Variants in ZBTB7C observed in about 807,000 individuals in gnomAD.
ZBTB7C encodes the protein zinc finger and BTB domain containing 7C.
A neutral mutation model predicts 25.7 loss-of-function variants in ZBTB7C; 8 were observed. The ratio of observed to expected loss-of-function variants is 0.31; its 90% CI spans 0.18 to 0.56. The LOEUF (loss-of-function observed/expected upper bound fraction) is 0.56, where lower values mean the gene tolerates loss of function less well. Ranked by LOEUF, ZBTB7C falls within the 20% of genes least tolerant of loss-of-function variation. ZBTB7C has a pLI of 0.91. For missense variants in ZBTB7C, 824 were observed against 855.2 expected (o/e 0.96, Z 0.46); for synonymous variants, 394 against 369.0 (o/e 1.07, Z -0.78).
chr18:48,255,682 G>A (rs1464277815), intron 2 of ZBTB7C, among the ~76,000 whole-genome samples: 2 of 152,090 alleles, frequency 1.3e-5, no homozygotes, highest in Admixed American at 6.6e-5. Context: ...TCTTTCCTGG[G>A]CCCTTCTGTC....
chr18:48,224,683 TG>T (rs1293035631), intron 2 of ZBTB7C, among the ~76,000 whole-genome samples: 1 of 152,202 alleles, frequency 6.6e-6, no homozygotes, highest in Non-Finnish European at 1.5e-5. Flanking sequence ...TTACTAGCCA[TG>T]GGCAAGCCAA....
chr18:48,108,316 C>T (rs918173747), intron 3 of ZBTB7C, among the ~76,000 whole-genome samples: 10 of 152,114 alleles, frequency 6.6e-5, no homozygotes, highest in Non-Finnish European at 1.3e-4. Context: ...GTTAAATGAA[C>T]GTGTGGCGAG....
At chr18:48,154,151 T>C (rs2040763446) in intron 3 of ZBTB7C, among the ~76,000 whole-genome samples, 1 of 152,202 alleles carries the variant, frequency 6.6e-6, no homozygotes, top group Non-Finnish European at 1.5e-5. Context: ...AATTCTGGGC[T>C]TGCGACCCTG....
At chr18:48,083,694 C>G (rs2038079097) in intron 3 of ZBTB7C, among the ~76,000 whole-genome samples, 1 of 152,056 alleles carries the variant, frequency 6.6e-6, no homozygotes, top group Non-Finnish European at 1.5e-5. Context: ...CTTTACTGCT[C>G]CATACAGCAG....
intron 3 of ZBTB7C, among the ~76,000 whole-genome samples, chr18:48,065,508 G>T (rs2037296099): frequency 1.3e-5 from 2 of 152,188 alleles, no homozygotes; most frequent in Admixed American, 6.5e-5. Flanking sequence ...GGTAACACTG[G>T]GGGTAGAGCC....
At chr18:48,358,600 A>G (rs1004740787) in intron 1 of ZBTB7C, among the ~76,000 whole-genome samples, 2 of 152,194 alleles carry the variant, frequency 1.3e-5, no homozygotes, top group Non-Finnish European at 2.9e-5. Flanking sequence ...GGCCTAACAC[A>G]GCAGCACAAC....
At chr18:48,342,592 G>A (rs547939013) in intron 1 of ZBTB7C, among the ~76,000 whole-genome samples, 2 of 152,334 alleles carry the variant, frequency 1.3e-5, no homozygotes, top group South Asian at 2.1e-4. Flanking sequence ...CAGGAGGGAC[G>A]GGAAAGCCAC....
chr18:48,209,226 G>A (rs567079694), intron 2 of ZBTB7C, among the ~76,000 whole-genome samples: 92 of 152,312 alleles, frequency 6.0e-4, no homozygotes, highest in Middle Eastern at 3.4e-3. Context: ...GGCTCCAAAC[G>A]GAAATGTGCA....
chr18:48,395,737 G>A (rs953226355), intron 1 of ZBTB7C, among the ~76,000 whole-genome samples: 1 of 152,168 alleles, frequency 6.6e-6, no homozygotes, highest in African/African-American at 2.4e-5. Context: ...CCCACCTGGA[G>A]CCAAAGTCTG....
At chr18:48,230,781 G>T (rs4940341) in intron 2 of ZBTB7C, among the ~76,000 whole-genome samples, 29,094 of 152,058 alleles carry the variant, frequency 0.19, 3,113 homozygotes, top group East Asian at 0.49. Flanking sequence ...CTAGGGGAAG[G>T]TGCAGAGTGA....
intron 2 of ZBTB7C, among the ~76,000 whole-genome samples, chr18:48,193,696 G>A (rs1467149197): frequency 6.6e-6 from 1 of 152,214 alleles, no homozygotes; most frequent in African/African-American, 2.4e-5. Context: ...ACACTCACCA[G>A]CTCCTGCAGG....
chr18:48,038,523 G>T (rs1015996362), intron 4 of ZBTB7C, among the ~76,000 whole-genome samples: 1 of 151,250 alleles, frequency 6.6e-6, no homozygotes, highest in African/African-American at 2.4e-5. Context: ...AGAAGAACAG[G>T]TCTCATGACT....
At chr18:48,258,479 T>C (rs1001450668) in intron 2 of ZBTB7C, among the ~76,000 whole-genome samples, 3 of 152,172 alleles carry the variant, frequency 2.0e-5, no homozygotes, top group African/African-American at 7.2e-5. Flanking sequence ...CACCAAAATA[T>C]ATAAAATGCT....
intron 2 of ZBTB7C, among the ~76,000 whole-genome samples, chr18:48,187,680 G>T (rs1482185173): frequency 2.0e-5 from 3 of 152,086 alleles, no homozygotes; most frequent in Non-Finnish European, 1.5e-5. Flanking sequence ...CTTTAGTCGG[G>T]TGTGGGGGCC....
At chr18:48,164,243 C>G (rs1355232390) in intron 3 of ZBTB7C, among the ~76,000 whole-genome samples, 5 of 152,210 alleles carry the variant, frequency 3.3e-5, no homozygotes, top group African/African-American at 1.2e-4. Context: ...CAAGGGCTTG[C>G]TCCTGGACTC....
At chr18:48,284,016 G>A (rs562018949) in intron 2 of ZBTB7C, among the ~76,000 whole-genome samples, 1 of 152,216 alleles carries the variant, frequency 6.6e-6, no homozygotes, top group South Asian at 2.1e-4. Flanking sequence ...GCATAGTGGT[G>A]CACGCCTATA....
At chr18:48,131,733 G>A (rs894765184) in intron 3 of ZBTB7C, among the ~76,000 whole-genome samples, 2 of 152,216 alleles carry the variant, frequency 1.3e-5, no homozygotes, top group African/African-American at 2.4e-5. Flanking sequence ...ACACCAGGGT[G>A]TGCAGGATGC....
At chr18:48,110,663 C>T (rs1353565861) in intron 3 of ZBTB7C, among the ~76,000 whole-genome samples, 4 of 152,280 alleles carry the variant, frequency 2.6e-5, no homozygotes, top group East Asian at 1.9e-4. Context: ...TTCTCCAGGG[C>T]GATGGGGAGA....
At chr18:48,367,175 T>TTTTATATATATATATA (rs1247008733) in intron 1 of ZBTB7C, among the ~76,000 whole-genome samples, 3 of 62,252 alleles carry the variant, frequency 4.8e-5, no homozygotes, top group Admixed American at 3.1e-4. Context: ...TCCCCAAGTT[T>TTTTATATATATATATA]TATATATATA....
Sources: gnomAD v4.1 joint callset for allele counts (sites outside exome capture counted in the v4.1 genomes callset) on GRCh38, gnomAD v4.1.1 for gene constraint, MANE v1.5 for transcripts, NCBI Gene and HGNC (gene_info 2026-07-23, HGNC 2026-07-21) for gene names.